The following MTAP variants were observed in gnomAD, a reference collection of about 807,000 sequenced individuals.
MTAP encodes S-methyl-5'-thioadenosine phosphorylase.
MTAP carries 33 observed loss-of-function variants against 33.6 expected under a neutral mutation model. The ratio of observed to expected loss-of-function variants is 0.98; its 90% CI spans 0.74 to 1.31. The LOEUF (loss-of-function observed/expected upper bound fraction) is 1.31, where lower values mean the gene tolerates loss of function less well. Among genes scored for constraint, MTAP ranks in the 40% most tolerant of loss-of-function variants. The pLI is 0.00. For missense variants in MTAP, 367 were observed against 360.0 expected (o/e 1.02, Z -0.16); for synonymous variants, 148 against 125.7 (o/e 1.18, Z -1.19).
chr9:21,884,205 A>G (rs1818069239), intron 1 of MTAP, among the ~76,000 whole-genome samples: 2 of 152,166 alleles, frequency 1.3e-5, no homozygotes, highest in Admixed American at 1.3e-4. Context: ...ATCAATTGCT[A>G]ATGGAAATAC....
intron 4 of MTAP, among the ~76,000 whole-genome samples, chr9:21,827,993 G>A (rs3927737): frequency 0.62 from 94,764 of 152,174 alleles, 30,691 homozygotes; most frequent in African/African-American, 0.81. Context: ...TAAACAGTAT[G>A]ACTATACGCT....
chr9:21,923,170 G>A (rs1191186682), intron 1 of MTAP, among the ~76,000 whole-genome samples: 1 of 152,176 alleles, frequency 6.6e-6, no homozygotes, highest in Admixed American at 6.5e-5. Context: ...AGAGAAACAG[G>A]CTCCCTTGCA....
chr9:21,916,212 G>T (rs1192504910), intron 1 of MTAP, among the ~76,000 whole-genome samples: 1 of 152,160 alleles, frequency 6.6e-6, no homozygotes, highest in Non-Finnish European at 1.5e-5. Flanking sequence ...GAAACTGAAT[G>T]TGGCCTCATT....
intron 5 of MTAP, among the ~76,000 whole-genome samples, chr9:21,850,127 G>A (rs772118709): frequency 1.3e-5 from 2 of 152,238 alleles, no homozygotes; most frequent in African/African-American, 2.4e-5. Flanking sequence ...ATTGGATCCA[G>A]TGAGCAAGAA....
chr9:21,855,239 G>A (rs143579513), intron 6 of MTAP, among the ~76,000 whole-genome samples: 77 of 152,234 alleles, frequency 5.1e-4, no homozygotes, highest in African/African-American at 1.8e-3. Flanking sequence ...CTCATGAGAG[G>A]GCTGTATGTT....
chr9:21,838,961 G>A (rs1462128681), intron 5 of MTAP, among the ~76,000 whole-genome samples: 1 of 152,106 alleles, frequency 6.6e-6, no homozygotes, highest in African/African-American at 2.4e-5. Flanking sequence ...ATTTCTTTTA[G>A]CATTTATGTT....
intron 5 of MTAP, among the ~76,000 whole-genome samples, chr9:21,853,966 AC>A (rs1206429896): frequency 6.6e-6 from 1 of 152,230 alleles, no homozygotes; most frequent in African/African-American, 2.4e-5. Context: ...TAAATAAAAC[AC>A]TGGAGAAAAG....
At chr9:21,931,547 G>A (rs962782219), downstream of MTAP, 2 of 190,340 alleles carry the variant, frequency 1.1e-5, no homozygotes, top group African/African-American at 4.7e-5. Context: ...TGGGCAAGCA[G>A]GCTCAAACAT....
rs1305659206 is a variant in MTAP at position 21,865,841 on chromosome 9, C to T, written c.*3827C>T. On this transcript the variant is annotated 3_prime_UTR_variant, in exon 8 of 8. Transcript: ENST00000644715. The stretch of plus-strand genomic sequence containing the variant: ...ATGTTGCATGCATCTGTAGCTTGTG[C>T]CTTTTTTATTGCCTAGTAGTATTCT... The T allele has an allele frequency of 2.1e-6, 2 of 966,560 alleles. No homozygotes were observed. Among genetic ancestry groups the T allele is most frequent in the East Asian group, 1.1e-4 (1 of 9,250 alleles). The allele number at this position is 966,560 out of a possible 1,614,324, so 59.9% of individuals were successfully genotyped here.
At chr9:21,870,926 A>G (rs1385774466), downstream of MTAP, among the ~76,000 whole-genome samples, 1 of 151,840 alleles carries the variant, frequency 6.6e-6, no homozygotes, top group African/African-American at 2.4e-5. Context: ...GCCTGCCACC[A>G]TGCCCAGCTA....
intron 4 of MTAP, among the ~76,000 whole-genome samples, chr9:21,825,476 C>G (rs1330107005): frequency 6.6e-6 from 1 of 152,028 alleles, no homozygotes; most frequent in African/African-American, 2.4e-5. Flanking sequence ...ATATTCCTAC[C>G]AGCAGTATAC....
At position 21,837,993 on chromosome 9, in the gene MTAP, T is replaced by C; in HGVS notation, c.433T>C (p.Cys145Arg). Reference sequence around the variant, plus strand: ...CCATATTCCAATGGCTGAGCCGTTTTGCCCCAAAACGAGAGAGGTGTGTAG... The same window carrying C: ...CCATATTCCAATGGCTGAGCCGTTTCGCCCCAAAACGAGAGAGGTGTGTAG... ...VCHIPMAEPF[C>R]PKTREVLIET... is the part of the protein sequence containing the mutation. Residue 145 changes from cysteine (C) to arginine (R), a missense_variant, in exon 5 of 8, where the codon TGC becomes CGC. By Grantham distance (180) the Cys-to-Arg change is radical. Coordinates refer to ENST00000644715, the MANE Select transcript of MTAP (RefSeq NM_002451.4). 6.2e-7 allele frequency: 1 copy of C among 1,614,102 alleles called. No individual in the cohort carries two copies. Among genetic ancestry groups the C allele is most frequent in the Non-Finnish European group, 8.5e-7 (1 of 1,179,944 alleles).
intron 6 of MTAP, among the ~76,000 whole-genome samples, chr9:21,857,799 G>A (rs948348024): frequency 6.6e-6 from 1 of 152,060 alleles, no homozygotes; most frequent in Non-Finnish European, 1.5e-5. Context: ...TTAAATTTCT[G>A]GTTAAATGCC....
chr9:21,918,107 T>C (rs1268736246), intron 1 of MTAP, among the ~76,000 whole-genome samples: 25 of 129,236 alleles, frequency 1.9e-4, no homozygotes, highest in East Asian at 1.9e-4. Context: ...TCCCAGCACT[T>C]TGGGAGGCCG....
At chr9:21,827,321 C>T (rs954404994) in intron 4 of MTAP, among the ~76,000 whole-genome samples, 1 of 152,216 alleles carries the variant, frequency 6.6e-6, no homozygotes, top group East Asian at 1.9e-4. Flanking sequence ...ACTGTACTCA[C>T]AGCCTGCTCC....
exon 8 of MTAP, chr9:21,937,598 C>G (rs376735894): frequency 1.3e-5 from 2 of 152,216 alleles, no homozygotes; most frequent in African/African-American, 4.8e-5. Context: ...AACAAAAGAG[C>G]TAGTTTTGTT....
intron 1 of MTAP, chr9:21,930,172 G>T: frequency 5.6e-6 from 2 of 358,448 alleles, no homozygotes; most frequent in Non-Finnish European, 5.4e-6. Context: ...CTCTTTTTTT[G>T]GGAAAATGAA....
At chr9:21,903,250 A>C (rs1317540065) in intron 1 of MTAP, among the ~76,000 whole-genome samples, 1 of 152,216 alleles carries the variant, frequency 6.6e-6, no homozygotes, top group Non-Finnish European at 1.5e-5. Context: ...AGGCATACTT[A>C]GGCTTGCTGC....
intron 1 of MTAP, among the ~76,000 whole-genome samples, chr9:21,804,038 G>GA (rs1223795154): frequency 6.6e-6 from 1 of 152,200 alleles, no homozygotes; most frequent in African/African-American, 2.4e-5. Context: ...TTGTTTGGCG[G>GA]AAACAAGGCA....
Sources: allele counts gnomAD v4.1 joint callset (sites outside exome capture counted in the v4.1 genomes callset), GRCh38; gene constraint gnomAD v4.1.1; transcripts MANE v1.5; gene names NCBI Gene and HGNC (gene_info 2026-07-23, HGNC 2026-07-21).